Variants in HIPK2 observed in about 807,000 individuals in gnomAD.
HIPK2 encodes homeodomain-interacting protein kinase 2.
A neutral mutation model predicts 113.7 loss-of-function variants in HIPK2; 27 were observed. The observed-to-expected ratio is 0.24, with a 90% CI of 0.17 to 0.33. The LOEUF is 0.33. Among genes scored for constraint, HIPK2 ranks in the 10% least tolerant of loss-of-function variants. The pLI is 1.00. For missense variants in HIPK2, 1,257 were observed against 1,588.0 expected (o/e 0.79, Z 3.54); for synonymous variants, 631 against 642.2 (o/e 0.98, Z 0.26).
chr7:139,596,542 A>T lies in HIPK2; in HGVS notation c.2717+175T>A, dbSNP rs146579546. ...TTATTTTGGTTTTAAACAATTATGG[A>T]AAACCTGTTTGACATTCCCTTGAAA... is the stretch of plus-strand genomic sequence containing the variant. On this transcript the variant is annotated intron_variant, in intron 12 of 14. Coordinates refer to ENST00000406875, the MANE Select transcript of HIPK2 (RefSeq NM_022740.5). The T allele has an allele frequency of 1.9e-3, 748 of 389,584 alleles. 7 individuals carry two copies. The highest frequency in any genetic ancestry group is 0.015 in the African/African-American group (697 of 45,832). The allele number at this position is 389,584 out of a possible 1,614,324, so 24.1% of individuals were successfully genotyped here. A position where few individuals can be genotyped will look rare whatever the true frequency, so the allele number is the denominator to read the frequency against.
chr7:139,761,375 G>A (rs939416824), intron 1 of HIPK2, among the ~76,000 whole-genome samples: 3 of 152,242 alleles, frequency 2.0e-5, no homozygotes, highest in Non-Finnish European at 2.9e-5. Context: ...GTAACTGGAC[G>A]ATGGTGGGTT....
chr7:139,762,460 A>G (rs1796482654), intron 1 of HIPK2, among the ~76,000 whole-genome samples: 1 of 152,236 alleles, frequency 6.6e-6, no homozygotes, highest in African/African-American at 2.4e-5. Context: ...GACCAGCAGG[A>G]TTGAATGCAG....
At chr7:139,677,153 G>C (rs1802530148) in intron 2 of HIPK2, among the ~76,000 whole-genome samples, 1 of 151,832 alleles carries the variant, frequency 6.6e-6, no homozygotes, top group African/African-American at 2.4e-5. Flanking sequence ...GAGCCACCAC[G>C]CCCGGCCAAA....
chr7:139,591,268 C>T (rs561650037), intron 12 of HIPK2, among the ~76,000 whole-genome samples: 5 of 152,200 alleles, frequency 3.3e-5, no homozygotes, highest in Non-Finnish European at 7.3e-5. Context: ...CTAGAGAAAT[C>T]AGAAACAGGG....
At chr7:139,667,861 G>C (rs532597163) in intron 2 of HIPK2, among the ~76,000 whole-genome samples, 1 of 151,848 alleles carries the variant, frequency 6.6e-6, no homozygotes. Flanking sequence ...GCGGTGGCTC[G>C]CACCTGTAAT....
chr7:139,745,115 T>C (rs1349394412), intron 1 of HIPK2, among the ~76,000 whole-genome samples: 4 of 152,076 alleles, frequency 2.6e-5, no homozygotes, highest in Non-Finnish European at 5.9e-5. Context: ...GTAGAAGGAG[T>C]TCACCCGGTT....
At chr7:139,591,761 A>G (rs1569447689) in intron 12 of HIPK2, among the ~76,000 whole-genome samples, 1 of 152,246 alleles carries the variant, frequency 6.6e-6, no homozygotes, top group Non-Finnish European at 1.5e-5. Flanking sequence ...TATTGTACTC[A>G]AAATGGAGAG....
At chr7:139,616,466 T>A (rs954923550) in intron 7 of HIPK2, among the ~76,000 whole-genome samples, 2 of 152,204 alleles carry the variant, frequency 1.3e-5, no homozygotes, top group Non-Finnish European at 1.5e-5. Flanking sequence ...CTTATCTCCC[T>A]CTGCTCTCCA....
At chr7:139,724,528 CTTTT>C (rs1002336723) in intron 1 of HIPK2, among the ~76,000 whole-genome samples, 1 of 151,340 alleles carries the variant, frequency 6.6e-6, no homozygotes, top group Non-Finnish European at 1.5e-5. Flanking sequence ...CTACAGAATT[CTTTT>C]TTTTTATTAT....
rs1402186920 is a variant in HIPK2, at chr7:139,775,756, G to A, written c.19+1849C>T. Among the ~76,000 whole-genome samples the A allele has an allele frequency of 2.0e-5, 3 of 152,168 alleles. No homozygotes were observed. The East Asian group carries it at 5.8e-4, about 29-fold the overall frequency. ...GGAAGAACAATGTAGCAGGAACGGGGAGAGCCAAGTCTCAGCCTCGGGGGC... is the reference window on the plus strand; with the variant it reads ...GGAAGAACAATGTAGCAGGAACGGGAAGAGCCAAGTCTCAGCCTCGGGGGC... On this transcript the variant is annotated intron_variant, in intron 1 of 14. Coordinates refer to ENST00000406875, the MANE Select transcript of HIPK2 (RefSeq NM_022740.5).
chr7:139,770,787 A>T (rs1796637127), intron 1 of HIPK2, among the ~76,000 whole-genome samples: 1 of 152,244 alleles, frequency 6.6e-6, no homozygotes, highest in Non-Finnish European at 1.5e-5. Flanking sequence ...CATTTAATTG[A>T]TCAGAACCTA....
chr7:139,622,263 G>A (rs1569456560), intron 6 of HIPK2, among the ~76,000 whole-genome samples: 1 of 152,152 alleles, frequency 6.6e-6, no homozygotes, highest in African/African-American at 2.4e-5. Flanking sequence ...ACCATTTACG[G>A]ACTGATGATG....
chr7:139,652,055 A>G (rs1473297721), intron 2 of HIPK2, among the ~76,000 whole-genome samples: 1 of 152,154 alleles, frequency 6.6e-6, no homozygotes, highest in Non-Finnish European at 1.5e-5. Context: ...TATACCCTTT[A>G]TTGGCCTTCT....
In HIPK2 at chr7:139,563,747, T is replaced by G; in HGVS notation, c.*9180A>C. ...AAAAGACTGTCCTAAGAACACGCTG[T>G]CAATACAGTTCACAGGGAAAAAGCA... On this transcript the variant is annotated 3_prime_UTR_variant, in exon 15 of 15. Transcript: ENST00000406875. 1 of 398,380 alleles carries G rather than the reference T, an allele frequency of 2.5e-6. No individual in the cohort carries two copies. Among genetic ancestry groups the G allele is most frequent in the Non-Finnish European group, 4.4e-6 (1 of 226,030 alleles). The allele number at this position is 398,380 out of a possible 1,614,324, so 24.7% of individuals were successfully genotyped here. A position where few individuals can be genotyped will look rare whatever the true frequency, so the allele number is the denominator to read the frequency against.
intron 2 of HIPK2, among the ~76,000 whole-genome samples, chr7:139,647,342 G>A (rs1393655654): frequency 2.6e-5 from 4 of 152,048 alleles, no homozygotes; most frequent in Non-Finnish European, 4.4e-5. Flanking sequence ...CTTTCCTACC[G>A]CCAAGCACTG....
Position 139,751,649 on chromosome 7 carries a change from G to C in HIPK2, c.19+25956C>G, listed in dbSNP as rs185994896. Reference sequence around the variant, plus strand: ...ATGGATGGACAAACATATTTCTGCTGGGCCAACCATGCACACAAACCATCA... The same window carrying C: ...ATGGATGGACAAACATATTTCTGCTCGGCCAACCATGCACACAAACCATCA... On this transcript the variant is annotated intron_variant, in intron 1 of 14. Transcript: ENST00000406875. Among the ~76,000 whole-genome samples the C allele has an allele frequency of 3.3e-5, 5 of 151,976 alleles. No individual in the cohort carries two copies. In the East Asian group the frequency reaches 9.7e-4, roughly 29 times the overall value.
At chr7:139,612,659 G>A (rs1024488974) in intron 9 of HIPK2, among the ~76,000 whole-genome samples, 20 of 152,042 alleles carry the variant, frequency 1.3e-4, no homozygotes, top group African/African-American at 4.1e-4. Context: ...GTTACCTTAC[G>A]TTTACATAAC....
At chr7:139,671,963 C>T (rs755912472) in intron 2 of HIPK2, among the ~76,000 whole-genome samples, 7 of 152,104 alleles carry the variant, frequency 4.6e-5, no homozygotes, top group Non-Finnish European at 8.8e-5. Flanking sequence ...TTAATTCCTC[C>T]CATTTGTTTG....
At chr7:139,702,909 A>G (rs1440328684) in intron 2 of HIPK2, among the ~76,000 whole-genome samples, 1 of 152,220 alleles carries the variant, frequency 6.6e-6, no homozygotes, top group African/African-American at 2.4e-5. Flanking sequence ...AAAACAGCAC[A>G]TAAACTAAAG....
Sources: gnomAD v4.1 joint callset for allele counts (sites outside exome capture counted in the v4.1 genomes callset) on GRCh38, gnomAD v4.1.1 for gene constraint, MANE v1.5 for transcripts, NCBI Gene and HGNC (gene_info 2026-07-23, HGNC 2026-07-21) for gene names.